The following NRXN1 variants were observed in gnomAD, a reference collection of about 807,000 sequenced individuals.
NRXN1 encodes the protein neurexin 1.
NRXN1 carries 39 observed loss-of-function variants against 150.9 expected under a neutral mutation model. The observed-to-expected ratio is 0.26, with a 90% CI of 0.20 to 0.34. The LOEUF (loss-of-function observed/expected upper bound fraction) is 0.34, where lower values mean the gene tolerates loss of function less well. Ranked by LOEUF, NRXN1 falls within the 10% of genes least tolerant of loss-of-function variation. The pLI is 1.00. For synonymous variants in NRXN1, 924 were observed against 757.0 expected (o/e 1.22, Z -3.62); for missense variants, 1,815 against 1,949.9 (o/e 0.93, Z 1.30).
intron 5 of NRXN1, among the ~76,000 whole-genome samples, chr2:50,796,828 C>T (rs913109436): frequency 3.3e-5 from 5 of 152,154 alleles, no homozygotes; most frequent in Non-Finnish European, 5.9e-5. Context: ...AAAACACCTT[C>T]AGTTGGATAA....
chr2:50,547,288 G>A (rs952553780), intron 9 of NRXN1, among the ~76,000 whole-genome samples: 2 of 142,466 alleles, frequency 1.4e-5, no homozygotes, highest in Non-Finnish European at 3.0e-5. Context: ...AATGTGTAAT[G>A]ATGGTTTACA....
intron 5 of NRXN1, among the ~76,000 whole-genome samples, chr2:50,818,636 C>G (rs147689940): frequency 6.6e-6 from 1 of 151,642 alleles, no homozygotes; most frequent in African/African-American, 2.4e-5. Context: ...TTCCTGAATA[C>G]GACACCAAAA....
intron 17 of NRXN1, among the ~76,000 whole-genome samples, chr2:50,278,553 T>C (rs987431055): frequency 2.0e-5 from 3 of 151,746 alleles, no homozygotes; most frequent in East Asian, 3.9e-4. Context: ...AGGGCCCCTG[T>C]ATTTTGTTAA....
rs1362136061 is a variant in NRXN1 at position 50,428,348 on chromosome 2, G to A, written c.3364+37094C>T. On this transcript the variant is annotated intron_variant, in intron 17 of 22. Coordinates refer to ENST00000401669, the MANE Select transcript of NRXN1 (RefSeq NM_001330078.2). ...GAAGATCACCTAAGCCCAGAAGGTCGAAACAGCTGTGAGCCATGATTGTAC... is the reference window on the plus strand; with the variant it reads ...GAAGATCACCTAAGCCCAGAAGGTCAAAACAGCTGTGAGCCATGATTGTAC... 2.6e-5 allele frequency among the ~76,000 whole-genome samples: 4 copies of A among 152,246 alleles called. No homozygotes were observed. In the South Asian group the frequency reaches 6.2e-4, roughly 24 times the overall value.
intron 18 of NRXN1, among the ~76,000 whole-genome samples, chr2:50,198,240 A>T (rs968718379): frequency 5.9e-5 from 9 of 152,174 alleles, no homozygotes; most frequent in Non-Finnish European, 8.8e-5. Flanking sequence ...ATGCAAACTT[A>T]GATTGTTAGG....
At chr2:50,832,447 G>T (rs1344886306) in intron 5 of NRXN1, among the ~76,000 whole-genome samples, 1 of 152,132 alleles carries the variant, frequency 6.6e-6, no homozygotes, top group African/African-American at 2.4e-5. Flanking sequence ...TGGGTCAGGA[G>T]TTCGAGATCC....
Position 50,849,558 on chromosome 2 carries a change from C to G in NRXN1, c.832+72311G>C, listed in dbSNP as rs1353791563. On this transcript the variant is annotated intron_variant, in intron 5 of 22. Coordinates refer to ENST00000401669, the MANE Select transcript of NRXN1 (RefSeq NM_001330078.2). ...AATTAAGTTTTCTAATACTTTTCCA[C>G]TTGCTCACCCCAGTTATCAATAACT... Among the ~76,000 whole-genome samples the G allele has an allele frequency of 1.2e-4, 19 of 152,304 alleles. No individual in the cohort carries two copies. In the East Asian group the frequency reaches 3.7e-3, roughly 29 times the overall value.
At chr2:50,834,598 G>A (rs1282035847) in intron 5 of NRXN1, among the ~76,000 whole-genome samples, 1 of 152,144 alleles carries the variant, frequency 6.6e-6, no homozygotes, top group East Asian at 1.9e-4. Flanking sequence ...CAGAAAATCT[G>A]AATTTGAAGG....
At chr2:50,671,323 CTGTT>C (rs1047201536) in intron 5 of NRXN1, among the ~76,000 whole-genome samples, 3 of 151,526 alleles carry the variant, frequency 2.0e-5, no homozygotes, top group African/African-American at 7.3e-5. Flanking sequence ...AGTGTTTAAT[CTGTT>C]TGGCTATTTT....
At chr2:50,217,683 A>C (rs2063499669) in intron 18 of NRXN1, among the ~76,000 whole-genome samples, 1 of 152,162 alleles carries the variant, frequency 6.6e-6, no homozygotes, top group South Asian at 2.1e-4. Context: ...GTCTGTCAAC[A>C]GAACGCCTGG....
intron 5 of NRXN1, among the ~76,000 whole-genome samples, chr2:50,663,059 A>C (rs1484958196): frequency 6.6e-6 from 1 of 152,050 alleles, no homozygotes; most frequent in Non-Finnish European, 1.5e-5. Flanking sequence ...AGTAATAATA[A>C]AACAAGATAC....
chr2:50,381,179 T>C (rs2080931322), intron 17 of NRXN1, among the ~76,000 whole-genome samples: 1 of 152,032 alleles, frequency 6.6e-6, no homozygotes, highest in Non-Finnish European at 1.5e-5. Context: ...AGAGACATTA[T>C]GGACATTCAA....
intron 21 of NRXN1, among the ~76,000 whole-genome samples, chr2:49,997,011 G>C (rs1329496055): frequency 6.6e-6 from 1 of 151,746 alleles, no homozygotes; most frequent in Admixed American, 6.6e-5. Context: ...AAATATATTT[G>C]CCTGTCTGCT....
chr2:50,053,685 G>A, intron 20 of NRXN1, 95 bp from the exon 21 acceptor site: 1 of 1,265,348 alleles, frequency 7.9e-7, no homozygotes, highest in Non-Finnish European at 1.1e-6. Context: ...GGTGAATAAT[G>A]AGAGCAATAA....
chr2:50,782,824 T>C (rs1340466861), intron 5 of NRXN1, among the ~76,000 whole-genome samples: 1 of 152,076 alleles, frequency 6.6e-6, no homozygotes, highest in African/African-American at 2.4e-5. Flanking sequence ...AGATGGAAAA[T>C]GCATACTTGA....
chr2:51,026,292 T>C, intron 2 of NRXN1: 1 of 905,578 alleles, frequency 1.1e-6, no homozygotes, highest in Non-Finnish European at 1.8e-6. Context: ...TGCCTTGCTT[T>C]GACCCATAAG....
At chr2:50,232,390 T>C (rs1430827811) in intron 18 of NRXN1, among the ~76,000 whole-genome samples, 4 of 140,588 alleles carry the variant, frequency 2.8e-5, no homozygotes, top group Non-Finnish European at 6.1e-5. Flanking sequence ...TTCTTTTCTT[T>C]TTTTTTTTTT....
In NRXN1 at chr2:50,054,945, TG is replaced by T; in HGVS notation, c.3808+9del. ...TTTTTTTATTTGAAGTTTTAATCAA[TG>T]TTTTTTACCTTTGTCGAGTAGCCAT... On this transcript the variant is annotated intron_variant, in intron 20 of 22. Transcript: ENST00000401669. 2.0e-6 allele frequency: 3 copies of T among 1,522,842 alleles called. No individual in the cohort carries two copies. The highest frequency in any genetic ancestry group is 1.8e-6 in the Non-Finnish European group (2 of 1,130,510). 94.3% of individuals were successfully genotyped at this position (1,522,842 alleles called of 1,614,324 possible). A position where few individuals can be genotyped will look rare whatever the true frequency, so the allele number is the denominator to read the frequency against.
chr2:50,533,986 T>C (rs1323906691), intron 10 of NRXN1, among the ~76,000 whole-genome samples: 1 of 152,058 alleles, frequency 6.6e-6, no homozygotes, highest in East Asian at 1.9e-4. Context: ...AGAATACAAG[T>C]ACCTTGAGGG....
Sources: gnomAD v4.1 joint callset for allele counts (sites outside exome capture counted in the v4.1 genomes callset) on GRCh38, gnomAD v4.1.1 for gene constraint, MANE v1.5 for transcripts, NCBI Gene and HGNC (gene_info 2026-07-23, HGNC 2026-07-21) for gene names.